PLEKHN1: variants seen among roughly 807,000 people sequenced by gnomAD.
The protein encoded by PLEKHN1 is pleckstrin homology domain containing N1.
PLEKHN1 carries 68 observed loss-of-function variants against 72.8 expected under a neutral mutation model. That is an observed-to-expected ratio of 0.93 (90% CI 0.77 to 1.14). PLEKHN1 has a LOEUF of 1.14. PLEKHN1 is among the 50% of genes most tolerant of loss of function. The pLI is 0.00. For synonymous variants in PLEKHN1, 454 were observed against 371.6 expected (o/e 1.22, Z -2.55); for missense variants, 1,015 against 840.5 (o/e 1.21, Z -2.57).
chr1:974,346 C>T lies in PLEKHN1; in HGVS notation c.1684C>T (p.Pro562Ser), dbSNP rs1557654096. 5 of 1,612,996 alleles carry T rather than the reference C, an allele frequency of 3.1e-6. No homozygotes were observed. The highest frequency in any genetic ancestry group is 4.2e-6 in the Non-Finnish European group (5 of 1,180,024). Residue 562 changes from proline (P) to serine (S), a missense_variant, in exon 15 of 16, where the codon CCC becomes TCC. Physicochemically the swap from Pro to Ser is moderately conservative, Grantham distance 74. Coordinates refer to ENST00000379410, the MANE Select transcript of PLEKHN1 (RefSeq NM_032129.3). ...CTCTGCCAGGGAAGGTTCGCCCGAA[C>T]CCTGGCTGCCTCTGACAGGTGAGTA... Reference protein sequence around the residue: ...VSSAREGSPEPWLPLTDGRSP... With the variant: ...VSSAREGSPESWLPLTDGRSP...
At position 973,863 on chromosome 1, in the gene PLEKHN1, C is replaced by G; in HGVS notation, c.1465C>G (p.Pro489Ala). Residue 489 changes from proline to alanine, a missense_variant, in exon 14 of 16, where the codon CCC (proline) becomes GCC (alanine). By Grantham distance (27) the Pro-to-Ala change is conservative (BLOSUM62 -1). Coordinates refer to ENST00000379410, the MANE Select transcript of PLEKHN1 (RefSeq NM_032129.3). Reference protein sequence around the residue: ...FLSAMQSARGPTPSSPLPSVP... With the variant: ...FLSAMQSARGATPSSPLPSVP... The stretch of plus-strand genomic sequence containing the variant: ...CAGTGCCATGCAGAGTGCACGTGGA[C>G]CCACGCCCTCGAGCCCACTCCCCTC... 1 of 1,610,522 alleles carries G rather than the reference C, an allele frequency of 6.2e-7. No individual in the cohort carries two copies. The highest frequency in any genetic ancestry group is 8.5e-7 in the Non-Finnish European group (1 of 1,179,828).
rs142121682 is a variant in PLEKHN1, at chr1:972,319, C to T, written c.897C>T (p.Cys299=). 4.2e-5 allele frequency: 67 copies of T among 1,612,600 alleles called. No homozygotes were observed. In the African/African-American group the frequency reaches 4.4e-4, roughly 11 times the overall value. The change falls in exon 10 of 16, where the codon TGC becomes TGT. Residue 299 remains cysteine, a synonymous_variant. Transcript: ENST00000379410. ...TCATCAACACCATCCGCGTGGTGTG[C>T]GCCAGCTACGAGGACTACGGTCACT... ...GPLINTIRVV[C]ASYEDYGHWL...
chr1:972,258 C>T (rs548341523), intron 9 of PLEKHN1, 30 bp from the exon 10 acceptor site: 50 of 1,603,452 alleles, frequency 3.1e-5, no homozygotes, highest in Middle Eastern at 1.7e-4. Context: ...TGCACCCCCC[C>T]GCCAGCCCCT....
Position 969,673 on chromosome 1 carries a change from C to T in PLEKHN1, c.184-604C>T, listed in dbSNP as rs547292769. 1.5e-3 allele frequency among the ~76,000 whole-genome samples: 223 copies of T among 150,812 alleles called. No homozygotes were observed. In the South Asian group the frequency reaches 0.016, roughly 11 times the overall value. ...ACGTGTGTATCCATGCATATGTGTG[C>T]GTGTGTGTACATGTGTGTATAAGTG... is the stretch of plus-strand genomic sequence containing the variant. On this transcript the variant is annotated intron_variant, in intron 2 of 15. Transcript: ENST00000379410.
At chr1:966,916 C>A in intron 2 of PLEKHN1, 113 bp downstream of exon 2, 1 of 1,192,166 alleles carries the variant, frequency 8.4e-7, no homozygotes, top group Non-Finnish European at 1.1e-6. Flanking sequence ...GCGTTCAGAC[C>A]CCGGTAGGTG....
chr1:973,126 A>C (rs1389730340), intron 11 of PLEKHN1, 60 bp from the exon 12 acceptor site: 1 of 1,497,642 alleles, frequency 6.7e-7, no homozygotes, highest in African/African-American at 1.4e-5. Context: ...TTGCAGCCTC[A>C]GAGAGTTGCA....
At position 974,447 on chromosome 1, in the gene PLEKHN1, C is replaced by T. The variant is rs748965121; in HGVS notation, c.1708C>T (p.Arg570Trp). 39 of 1,612,724 alleles carry T rather than the reference C, an allele frequency of 2.4e-5. No individual in the cohort carries two copies. Among genetic ancestry groups the T allele is most frequent in the Admixed American group, 1.7e-4 (10 of 60,004 alleles). ...ATCTCTGCCTTCCCTACCAGATGGT[C>T]GGTCCCCCAGGAGGAGCCGGGACCC... ...PEPWLPLTDG[R>W]SPRRSRDPGY... Residue 570 changes from arginine to tryptophan, a missense_variant, in exon 16 of 16, where the codon CGG becomes TGG. Coordinates refer to ENST00000379410, the MANE Select transcript of PLEKHN1 (RefSeq NM_032129.3).
In PLEKHN1 at chr1:970,790, C is replaced by T; in HGVS notation, c.484+32C>T. 2.5e-6 allele frequency: 4 copies of T among 1,612,730 alleles called. No homozygotes were observed. The South Asian group carries it at 4.4e-5, about 18-fold the overall frequency. On this transcript the variant is annotated intron_variant, in intron 5 of 15. Transcript: ENST00000379410. The surrounding 1 kb of genome is among the most constrained non-coding windows in gnomAD (Gnocchi z 4.2). ...GGGATGCTTCCCGGGCCCCCAGAGG[C>T]ACTCCTGACCCAGGACTTGGAGAGG...
intron 2 of PLEKHN1, among the ~76,000 whole-genome samples, chr1:968,464 C>A (rs969614937): frequency 2.0e-5 from 3 of 152,212 alleles, no homozygotes; most frequent in Admixed American, 1.3e-4. Flanking sequence ...CTACATGTGG[C>A]GTGGATGTGG....
At chr1:974,407 C>G (rs754065750) in intron 15 of PLEKHN1, 35 bp from the exon 16 acceptor site, 40 of 1,611,914 alleles carry the variant, frequency 2.5e-5, no homozygotes, top group Non-Finnish European at 3.3e-5. Flanking sequence ...CCTGTTGCCT[C>G]CCACAGGCTG....
At chr1:969,640 ATG>A (rs1491100369) in intron 2 of PLEKHN1, among the ~76,000 whole-genome samples, 7 of 142,444 alleles carry the variant, frequency 4.9e-5, no homozygotes, top group Non-Finnish European at 1.0e-4. Flanking sequence ...GCAACTGTGT[ATG>A]TGTGCACGTG....
At position 970,528 on chromosome 1, in the gene PLEKHN1, G is replaced by A. The variant is rs746559447; in HGVS notation, c.338G>A (p.Ser113Asn). Residue 113 changes from serine (S) to asparagine (N), a missense_variant, in exon 4 of 16, where the codon AGC becomes AAC. Transcript: ENST00000379410. This position sits in a 1 kb window ranked among gnomAD's most constrained non-coding sequence, Gnocchi z 4.2. ...ACCCTGCTCCCCGCGCAGGATGTCAGCGACTGCTACCTGGAGCTATTCCCC... is the reference window on the plus strand; with the variant it reads ...ACCCTGCTCCCCGCGCAGGATGTCAACGACTGCTACCTGGAGCTATTCCCC... Reference protein sequence around the residue: ...QLRFQHSQDVSDCYLELFPAH... With the variant: ...QLRFQHSQDVNDCYLELFPAH... 1.2e-6 allele frequency: 2 copies of A among 1,613,062 alleles called. No individual in the cohort carries two copies. Among genetic ancestry groups the A allele is most frequent in the Admixed American group, 1.7e-5 (1 of 60,016 alleles).
rs773629050 is a variant in PLEKHN1 at position 971,202 on chromosome 1, C to T, written c.702C>T (p.Pro234=). ...CASRVKLQHL[P]AQEQWDRLLV... ...CGAGGGTCAAGCTGCAGCACCTGCC[C>T]GCACAGGTGGGTGGGAGGTGCGTGG... The change falls in exon 7 of 16, where the codon CCC becomes CCT. Residue 234 remains proline, a synonymous_variant. Coordinates refer to ENST00000379410, the MANE Select transcript of PLEKHN1 (RefSeq NM_032129.3). 1.5e-5 allele frequency: 23 copies of T among 1,576,968 alleles called. No individual in the cohort carries two copies. Among genetic ancestry groups the T allele is most frequent in the Admixed American group, 1.1e-4 (6 of 55,000 alleles).
At position 973,855 on chromosome 1, in the gene PLEKHN1, C is replaced by T. The variant is rs1472520804; in HGVS notation, c.1457C>T (p.Ala486Val). 6.2e-7 allele frequency: 1 copy of T among 1,610,242 alleles called. No homozygotes were observed. The highest frequency in any genetic ancestry group is 8.5e-7 in the Non-Finnish European group (1 of 1,179,816). ...CAGTTCCTCAGTGCCATGCAGAGTG[C>T]ACGTGGACCCACGCCCTCGAGCCCA... ...LEEFLSAMQS[A>V]RGPTPSSPLP... The change falls in exon 14 of 16, where the codon GCA becomes GTA. Residue 486 changes from alanine to valine, a missense_variant. Transcript: ENST00000379410.
In PLEKHN1 at chr1:966,814, C is replaced by T. The variant is rs754903830; in HGVS notation, c.183+11C>T. 49 of 1,549,094 alleles carry T rather than the reference C, an allele frequency of 3.2e-5. No individual in the cohort carries two copies. Among genetic ancestry groups the T allele is most frequent in the East Asian group, 4.9e-5 (2 of 41,136 alleles). ...TACATCCCGGGCACGGTGAGCGCGG[C>T]GTGCACGGTGGCTGTGGTCTGGGAG... is the stretch of plus-strand genomic sequence containing the variant. On this transcript the variant is annotated intron_variant, in intron 2 of 15. Transcript: ENST00000379410.
At chr1:968,373 G>A (rs922913573) in intron 2 of PLEKHN1, among the ~76,000 whole-genome samples, 2 of 152,224 alleles carry the variant, frequency 1.3e-5, no homozygotes, top group Non-Finnish European at 2.9e-5. Context: ...TCCAGCCCCA[G>A]GTTCACACCC....
chr1:970,236 G>A lies in PLEKHN1; in HGVS notation c.184-41G>A. 1.9e-6 allele frequency: 3 copies of A among 1,598,426 alleles called. No homozygotes were observed. The highest frequency in any genetic ancestry group is 1.3e-5 in the African/African-American group (1 of 74,204). Reference sequence around the variant, plus strand: ...TGGATGCGAGCGGAGGGGGTGGGGGGCCCAGGGGAGGCCCCCTCCCCTGAG... The same window carrying A: ...TGGATGCGAGCGGAGGGGGTGGGGGACCCAGGGGAGGCCCCCTCCCCTGAG... On this transcript the variant is annotated intron_variant, in intron 2 of 15. Coordinates refer to ENST00000379410, the MANE Select transcript of PLEKHN1 (RefSeq NM_032129.3). The surrounding 1 kb of genome is among the most constrained non-coding windows in gnomAD (Gnocchi z 4.2).
In PLEKHN1 at chr1:974,024, G is replaced by T; in HGVS notation, c.1626G>T (p.Gly542=). 1.3e-6 allele frequency: 2 copies of T among 1,597,692 alleles called. No individual in the cohort carries two copies. The highest frequency in any genetic ancestry group is 2.0e-4 in the Middle Eastern group (1 of 5,062). ...ACCGGGGCTCAGCCAAGGATGGGGG[G>T]CCGCAGCCCCCAGACGCCCCTCAGC... ...QRHRGSAKDG[G]PQPPDAPQLV... Residue 542 remains glycine, a synonymous_variant, in exon 14 of 16, where the codon GGG becomes GGT. Coordinates refer to ENST00000379410, the MANE Select transcript of PLEKHN1 (RefSeq NM_032129.3).
chr1:972,889 C>T lies in PLEKHN1; in HGVS notation c.1031C>T (p.Ser344Phe), dbSNP rs375704376. ...ATGGGCAGTGGCCGAGGCTCACTCTCCTCAGGCGGACAGACCAGCTGGGAC... is the reference window on the plus strand; with the variant it reads ...ATGGGCAGTGGCCGAGGCTCACTCTTCTCAGGCGGACAGACCAGCTGGGAC... Reference protein sequence around the residue: ...QVMGSGRGSLSSGGQTSWDSG... With the variant: ...QVMGSGRGSLFSGGQTSWDSG... The change falls in exon 11 of 16, where the codon TCC becomes TTC. Residue 344 changes from serine to phenylalanine, a missense_variant. Coordinates refer to ENST00000379410, the MANE Select transcript of PLEKHN1 (RefSeq NM_032129.3). The T allele has an allele frequency of 1.5e-5, 24 of 1,558,146 alleles. No homozygotes were observed. In the African/African-American group the frequency reaches 1.6e-4, roughly 11 times the overall value.
Sources: gnomAD v4.1 joint callset for allele counts (sites outside exome capture counted in the v4.1 genomes callset) on GRCh38, gnomAD v4.1.1 for gene constraint, Gnocchi (gnomAD v3.1) non-coding constraint, MANE v1.5 for transcripts, NCBI Gene and HGNC (gene_info 2026-07-23, HGNC 2026-07-21) for gene names.